Variants in CCDC51 observed in about 807,000 individuals in gnomAD.
CCDC51 encodes the protein mitochondrial potassium channel.
Under a neutral mutation model 24.8 loss-of-function variants are expected in CCDC51, and 25 were observed. That is an observed-to-expected ratio of 1.01 (90% CI 0.73 to 1.41). CCDC51 has a LOEUF of 1.41. Among genes scored for constraint, CCDC51 ranks in the 40% most tolerant of loss-of-function variants. CCDC51 has a pLI of 0.00. For missense variants in CCDC51, 466 were observed against 519.1 expected, an observed-to-expected ratio of 0.90 and a Z score of 0.99; for synonymous variants, 190 against 204.3, an observed-to-expected ratio of 0.93 and a Z score of 0.60.
chr3:48,441,931 C>G (rs2039578763), upstream of CCDC51, among the ~76,000 whole-genome samples: 1 of 152,140 alleles, frequency 6.6e-6, no homozygotes, highest in Non-Finnish European at 1.5e-5. Flanking sequence ...TCTTGAGATT[C>G]CTTTTCAGAA....
chr3:48,432,693 T>C lies in CCDC51; in HGVS notation c.951A>G (p.Leu317=). 6.2e-7 allele frequency: 1 copy of C among 1,614,236 alleles called. No homozygotes were observed. The change falls in exon 4 of 4, where the codon CTA becomes CTG. Residue 317 remains leucine (L), a synonymous_variant. Transcript: ENST00000395694. ...LSHSRQVHSC[L]EGLREQLDGL... ...CATCAAGCTGCTCTCGTAAGCCTTC[T>C]AGACATGAATGGACTTGCCTGGAAT...
chr3:48,433,055 C>G lies in CCDC51; in HGVS notation c.589G>C (p.Ala197Pro), dbSNP rs764196695. 2 of 1,614,204 alleles carry G rather than the reference C, an allele frequency of 1.2e-6. No individual in the cohort carries two copies. The highest frequency in any genetic ancestry group is 8.5e-7 in the Non-Finnish European group (1 of 1,180,044). The stretch of plus-strand genomic sequence containing the variant: ...AGGGACCAGTTCTTGGTCCTCTCAG[C>G]CCTTGTGCGCTCCTTCTCATGACTT... The part of the protein sequence containing the change: ...RESHEKERTR[A>P]ERTKNWSLIG... Residue 197 changes from alanine (A) to proline (P), a missense_variant, in exon 4 of 4, where the codon GCT becomes CCT. By Grantham distance (27) the Ala-to-Pro change is conservative. Transcript: ENST00000395694. The surrounding 1 kb of genome is among the most constrained non-coding windows in gnomAD (Gnocchi z 4.4).
In CCDC51 at chr3:48,432,698, A is replaced by T; in HGVS notation, c.946T>A (p.Cys316Ser). 1 of 1,614,218 alleles carries T rather than the reference A, an allele frequency of 6.2e-7. No homozygotes were observed. Among genetic ancestry groups the T allele is most frequent in the Non-Finnish European group, 8.5e-7 (1 of 1,180,044 alleles). Residue 316 changes from cysteine (C) to serine (S), a missense_variant, in exon 4 of 4, where the codon TGT becomes AGT. Transcript: ENST00000395694. ...QLSHSRQVHS[C>S]LEGLREQLDG... ...AGCTGCTCTCGTAAGCCTTCTAGAC[A>T]TGAATGGACTTGCCTGGAATGACTA...
At chr3:48,446,504 G>T in the CCDC51 span, 1 of 207,620 alleles carries the variant, frequency 4.8e-6, no homozygotes, top group Admixed American at 6.0e-5. Flanking sequence ...CCTCCTCCAC[G>T]GAATGCCAGG....
chr3:48,444,051 G>A (rs1188317268), upstream of CCDC51: 1 of 450,442 alleles, frequency 2.2e-6, no homozygotes, highest in East Asian at 3.6e-5. Context: ...ATCTTACAGT[G>A]GCTCATCATC....
upstream of CCDC51, chr3:48,444,008 C>T (rs576596946): frequency 4.4e-6 from 3 of 685,554 alleles, no homozygotes; most frequent in Admixed American, 8.5e-5. Context: ...AGCTGTTGTA[C>T]ATTTAAGAAT....
rs139609612 is a variant in CCDC51, at chr3:48,433,888, G to A, written c.313-17C>T. On this transcript the variant is annotated splice_polypyrimidine_tract_variant and intron_variant, in intron 2 of 3. Transcript: ENST00000395694. This position sits in a 1 kb window ranked among gnomAD's most constrained non-coding sequence, Gnocchi z 4.4. Reference sequence around the variant, plus strand: ...TTTCTCAGCCTGCAAAGAGAAAACCGGAGGCCATCTGCACCTTCTCTCCAC... The same window carrying A: ...TTTCTCAGCCTGCAAAGAGAAAACCAGAGGCCATCTGCACCTTCTCTCCAC... 4.9e-4 allele frequency: 782 copies of A among 1,609,492 alleles called. 5 individuals carry two copies. In the African/African-American group the frequency reaches 8.8e-3, roughly 18 times the overall value.
chr3:48,440,179 G>C (rs2039519058), upstream of CCDC51: 1 of 1,487,562 alleles, frequency 6.7e-7, no homozygotes, highest in African/African-American at 1.4e-5. Flanking sequence ...ATCCGGTAGC[G>C]AGAGTTCAAC....
At chr3:48,440,887 G>A (rs2039545370), upstream of CCDC51, 2 of 558,712 alleles carry the variant, frequency 3.6e-6, no homozygotes, top group Non-Finnish European at 6.4e-6. Context: ...ACAGTGAAAT[G>A]TATTTACCTC....
chr3:48,434,422 A>AACC (rs1424123516), intron 2 of CCDC51, among the ~76,000 whole-genome samples: 1 of 152,214 alleles, frequency 6.6e-6, no homozygotes, highest in African/African-American at 2.4e-5. Context: ...AGGACTTGAC[A>AACC]ACCACCACCA....
At chr3:48,440,147 G>A, upstream of CCDC51, 1 of 1,336,114 alleles carries the variant, frequency 7.5e-7, no homozygotes, top group Non-Finnish European at 1.0e-6. Context: ...TGACCTGTTA[G>A]TACCCGCCCC....
rs1286846485 is a variant in CCDC51 at position 48,432,258 on chromosome 3, C to G, written c.*150G>C. On this transcript the variant is annotated 3_prime_UTR_variant, in exon 4 of 4. Coordinates refer to ENST00000395694, the MANE Select transcript of CCDC51 (RefSeq NM_001256964.2). Reference sequence around the variant, plus strand: ...ATGTAAATGAACCTTGTCTACAAAGCGAAGCATGCCTGCTGGTGAGCCACA... The same window carrying G: ...ATGTAAATGAACCTTGTCTACAAAGGGAAGCATGCCTGCTGGTGAGCCACA... 1.2e-6 allele frequency: 1 copy of G among 807,846 alleles called. No individual in the cohort carries two copies. Among genetic ancestry groups the G allele is most frequent in the Non-Finnish European group, 1.9e-6 (1 of 525,940 alleles). 50.0% of individuals were successfully genotyped at this position (807,846 alleles called of 1,614,324 possible).
chr3:48,439,970 A>ACATGCC lies in CCDC51; in HGVS notation c.-9+12_-9+17dup, dbSNP rs1471540468. 6.8e-6 allele frequency: 3 copies of ACATGCC among 443,278 alleles called. No homozygotes were observed. Among genetic ancestry groups the ACATGCC allele is most frequent in the Non-Finnish European group, 1.2e-5 (3 of 249,384 alleles). 27.5% of individuals were successfully genotyped at this position (443,278 alleles called of 1,614,324 possible). A position where few individuals can be genotyped will look rare whatever the true frequency, so the allele number is the denominator to read the frequency against. ...CGAGCTTGAAGCTCTTTGCACATGC[A>ACATGCC]CATGCCCTGCTGTCTACCTGCAGTG... On this transcript the variant is annotated intron_variant, in intron 1 of 3. Transcript: ENST00000395694.
rs1017214603 is a variant in CCDC51 at position 48,437,156 on chromosome 3, C to T, written c.-8-2020G>A. Among the ~76,000 whole-genome samples, 8 of 152,224 alleles carry T rather than the reference C, an allele frequency of 5.3e-5. No individual in the cohort carries two copies. The highest frequency in any genetic ancestry group is 1.0e-4 in the Non-Finnish European group (7 of 68,040). On this transcript the variant is annotated intron_variant, in intron 1 of 3. Coordinates refer to ENST00000395694, the MANE Select transcript of CCDC51 (RefSeq NM_001256964.2). This position sits in a 1 kb window ranked among gnomAD's most constrained non-coding sequence, Gnocchi z 4.2. ...TCATCTTTGCCCAAATATCACCTCT[C>T]AGTAAGGCTTCCTTGACCACTCCCT... is the stretch of plus-strand genomic sequence containing the variant.
rs752727840 is a variant in CCDC51 at position 48,433,768 on chromosome 3, C to T, written c.416G>A (p.Arg139His). The T allele has an allele frequency of 2.0e-5, 32 of 1,613,990 alleles. No homozygotes were observed. Among genetic ancestry groups the T allele is most frequent in the African/African-American group, 9.3e-5 (7 of 74,908 alleles). The change falls in exon 3 of 4, where the codon CGT becomes CAT. Residue 139 changes from arginine (R) to histidine (H), a missense_variant. By Grantham distance (29) the Arg-to-His change is conservative. Coordinates refer to ENST00000395694, the MANE Select transcript of CCDC51 (RefSeq NM_001256964.2). This position sits in a 1 kb window ranked among gnomAD's most constrained non-coding sequence, Gnocchi z 4.4. ...KLKEVRDRLD[R>H]VSREDSQYLE... ...GTACTGACTGTCCTCCCTGGAGACACGGTCCAAGCGGTCCCTCACCTCCTT... is the reference window on the plus strand; with the variant it reads ...GTACTGACTGTCCTCCCTGGAGACATGGTCCAAGCGGTCCCTCACCTCCTT...
At chr3:48,440,284 G>C (rs2039522664), upstream of CCDC51, 3 of 1,601,356 alleles carry the variant, frequency 1.9e-6, no homozygotes, top group Non-Finnish European at 2.6e-6. Flanking sequence ...CTGGGGAAGC[G>C]GCGGCAGGCG....
chr3:48,442,452 C>CTTT (rs904695197), upstream of CCDC51, among the ~76,000 whole-genome samples: 19 of 130,734 alleles, frequency 1.5e-4, no homozygotes, highest in African/African-American at 4.9e-4. Flanking sequence ...TAACCCTACA[C>CTTT]TTTTTTTTTT....
chr3:48,434,098 C>G lies in CCDC51; in HGVS notation c.313-227G>C, dbSNP rs1357576609. The G allele has an allele frequency of 6.0e-6, 6 of 998,840 alleles. No individual in the cohort carries two copies. In the East Asian group the frequency reaches 1.3e-4, roughly 22 times the overall value. The allele number at this position is 998,840 out of a possible 1,614,324, so 61.9% of individuals were successfully genotyped here. A position where few individuals can be genotyped will look rare whatever the true frequency, so the allele number is the denominator to read the frequency against. ...GATTTAGCCATTCAAGCAGAAATAA[C>G]ATGCCCCTGAAAAAACTTGAAAACA... On this transcript the variant is annotated intron_variant, in intron 2 of 3. Transcript: ENST00000395694.
chr3:48,442,663 G>A (rs2039597196), upstream of CCDC51, among the ~76,000 whole-genome samples: 1 of 151,738 alleles, frequency 6.6e-6, no homozygotes, highest in Non-Finnish European at 1.5e-5. Flanking sequence ...TGTTGGCCAG[G>A]ATGGTCTCGA....
Sources: gnomAD v4.1 joint callset for allele counts (sites outside exome capture counted in the v4.1 genomes callset) on GRCh38, gnomAD v4.1.1 for gene constraint, Gnocchi (gnomAD v3.1) non-coding constraint, MANE v1.5 for transcripts, NCBI Gene and HGNC (gene_info 2026-07-23, HGNC 2026-07-21) for gene names.